The following RXRA variants were observed in gnomAD, a reference collection of about 807,000 sequenced individuals.
RXRA encodes retinoic acid receptor RXR-alpha.
A neutral mutation model predicts 44.5 loss-of-function variants in RXRA; 5 were observed. The observed-to-expected ratio is 0.11, with a 90% CI of 0.06 to 0.24. The LOEUF is 0.24. Among genes scored for constraint, RXRA ranks in the 10% least tolerant of loss-of-function variants. The pLI is 1.00. For synonymous variants in RXRA, 291 were observed against 271.4 expected (o/e 1.07, Z -0.71); for missense variants, 412 against 646.5 (o/e 0.64, Z 3.93).
intron 6 of RXRA, chr9:134,425,103 G>A (rs1831410856): frequency 2.0e-6 from 2 of 985,348 alleles, no homozygotes; most frequent in Middle Eastern, 5.2e-4. Flanking sequence ...TGCTCACTCC[G>A]GGGAGTGTCC....
chr9:134,363,372 G>A lies in RXRA; in HGVS notation c.28+36713G>A, dbSNP rs1032046024. On this transcript the variant is annotated intron_variant, in intron 1 of 9. Transcript: ENST00000481739. ...TCCACCCACCCCATTTTCCTGAGCA[G>A]CGGGAGGTGGGAAGGCATCCGTTTA... Among the ~76,000 whole-genome samples, 3 of 152,366 alleles carry A rather than the reference G, an allele frequency of 2.0e-5. No individual in the cohort carries two copies. The East Asian group carries it at 5.8e-4, about 29-fold the overall frequency.
chr9:134,434,955 C>G lies in RXRA; in HGVS notation c.1241+748C>G, dbSNP rs930722246. 2.0e-5 allele frequency among the ~76,000 whole-genome samples: 3 copies of G among 152,192 alleles called. No individual in the cohort carries two copies. In the South Asian group the frequency reaches 6.2e-4, roughly 31 times the overall value. On this transcript the variant is annotated intron_variant, in intron 9 of 9. Transcript: ENST00000481739. ...ACATACACAGTTAACCGTGTCCCCGCTGCCTGCCCAGCCCTCATCTGGCTT... is the reference window on the plus strand; with the variant it reads ...ACATACACAGTTAACCGTGTCCCCGGTGCCTGCCCAGCCCTCATCTGGCTT...
intron 1 of RXRA, among the ~76,000 whole-genome samples, chr9:134,338,358 C>T (rs1230803159): frequency 6.6e-6 from 1 of 152,228 alleles, no homozygotes; most frequent in Non-Finnish European, 1.5e-5. Flanking sequence ...GAAAGGGCCT[C>T]CTCATGTCAG....
chr9:134,425,038 C>T (rs538444916), intron 6 of RXRA: 1 of 985,472 alleles, frequency 1.0e-6, no homozygotes, highest in Non-Finnish European at 1.2e-6. Flanking sequence ...CCCAGACCTG[C>T]AATTCCCACC....
In RXRA at chr9:134,426,931, A is replaced by T. The variant is rs1453529403; in HGVS notation, c.911-2177A>T. ...AGGGAGAGCCCTTTCCTAGGAGAGC[A>T]TTTGCTCTCACTGGATGTCAGACCC... On this transcript the variant is annotated intron_variant, in intron 6 of 9. Transcript: ENST00000481739. The surrounding 1 kb of genome is among the most constrained non-coding windows in gnomAD (Gnocchi z 4.6). 1 of 985,140 alleles carries T rather than the reference A, an allele frequency of 1.0e-6. No homozygotes were observed. Among genetic ancestry groups the T allele is most frequent in the African/African-American group, 1.7e-5 (1 of 57,262 alleles). 61.0% of individuals were successfully genotyped at this position (985,140 alleles called of 1,614,324 possible). A position where few individuals can be genotyped will look rare whatever the true frequency, so the allele number is the denominator to read the frequency against.
Position 134,429,091 on chromosome 9 carries a change from G to A in RXRA, c.911-17G>A, listed in dbSNP as rs1027130371. ...GGGGCCTGGAGACAGCTGAGTGACT[G>A]TGTGCCTCCTCCCCAGGCTGGAATG... On this transcript the variant is annotated splice_polypyrimidine_tract_variant and intron_variant, in intron 6 of 9. Coordinates refer to ENST00000481739, the MANE Select transcript of RXRA (RefSeq NM_002957.6). 9.9e-6 allele frequency: 16 copies of A among 1,612,584 alleles called. No individual in the cohort carries two copies. Among genetic ancestry groups the A allele is most frequent in the Non-Finnish European group, 1.4e-5 (16 of 1,179,856 alleles).
intron 4 of RXRA, among the ~76,000 whole-genome samples, chr9:134,414,832 G>T (rs545924219): frequency 8.7e-5 from 13 of 150,242 alleles, no homozygotes; most frequent in Non-Finnish European, 1.9e-4. Flanking sequence ...TTCCTGCCCC[G>T]GGGGCTGCTC....
intron 1 of RXRA, among the ~76,000 whole-genome samples, chr9:134,347,404 C>T (rs1424716290): frequency 6.6e-6 from 1 of 152,238 alleles, no homozygotes; most frequent in Non-Finnish European, 1.5e-5. Context: ...CTGAGTGCAG[C>T]GCAGCTCCTC....
At chr9:134,401,922 G>T (rs769375973) in intron 2 of RXRA, 40 bp downstream of exon 2, 1 of 1,476,450 alleles carries the variant, frequency 6.8e-7, no homozygotes, top group South Asian at 1.3e-5. Context: ...GGTGGGGCCT[G>T]GGGTGGGGCT....
chr9:134,375,969 C>CT (rs1830551306), intron 1 of RXRA, among the ~76,000 whole-genome samples: 1 of 134,512 alleles, frequency 7.4e-6, no homozygotes, highest in African/African-American at 2.7e-5. Flanking sequence ...TCTCTGCTTC[C>CT]CCCCCACCCC....
Position 134,417,295 on chromosome 9 carries a change from G to A in RXRA, c.748G>A (p.Val250Met), listed in dbSNP as rs767968089. The part of the protein sequence containing the change: ...LAVEPKTETY[V>M]EANMGLNPSS... The stretch of plus-strand genomic sequence containing the variant: ...CGTGGAGCCCAAGACCGAGACCTAC[G>A]TGGAGGCAAACATGGGGCTGAACCC... Residue 250 changes from valine to methionine, a missense_variant, in exon 5 of 10, where the codon GTG (valine) becomes ATG (methionine). Physicochemically the swap from Val to Met is conservative, Grantham distance 21. Around this residue, in one of 4 missense-constraint regions of RXRA, gnomAD observed 67 missense variants for 78.7 expected, o/e 0.85. Transcript: ENST00000481739. This position sits in a 1 kb window ranked among gnomAD's most constrained non-coding sequence, Gnocchi z 6.1. 12 of 1,613,656 alleles carry A rather than the reference G, an allele frequency of 7.4e-6. No individual in the cohort carries two copies. In the African/African-American group the frequency reaches 1.1e-4, roughly 14 times the overall value.
rs1830408683 is a variant in RXRA, at chr9:134,365,890, G to C, written c.29-35742G>C. Among the ~76,000 whole-genome samples the C allele has an allele frequency of 6.6e-6, 1 of 152,086 alleles. No individual in the cohort carries two copies. The highest frequency in any genetic ancestry group is 1.5e-5 in the Non-Finnish European group (1 of 68,006). On this transcript the variant is annotated intron_variant, in intron 1 of 9. Coordinates refer to ENST00000481739, the MANE Select transcript of RXRA (RefSeq NM_002957.6). The surrounding 1 kb of genome is among the most constrained non-coding windows in gnomAD (Gnocchi z 4.0). ...CTGTCTTGGGGAGGGTTCCTGGGCT[G>C]GGATTGGCCGTCGGGGAGGTGCACA...
chr9:134,424,926 G>T, intron 6 of RXRA: 1 of 985,482 alleles, frequency 1.0e-6, no homozygotes, highest in East Asian at 1.1e-4. Flanking sequence ...GGGCCACTGA[G>T]TGCTCCCCCA....
At chr9:134,384,434 TG>T (rs1463136616) in intron 1 of RXRA, among the ~76,000 whole-genome samples, 3 of 152,156 alleles carry the variant, frequency 2.0e-5, no homozygotes, top group Non-Finnish European at 4.4e-5. Flanking sequence ...TCAGGGGATA[TG>T]GCAGCAGTGG....
intron 1 of RXRA, chr9:134,379,173 G>C (rs1348054003): frequency 2.7e-6 from 2 of 735,352 alleles, no homozygotes; most frequent in African/African-American, 3.8e-5. Flanking sequence ...GCAGGACCCG[G>C]AATTATGCTG....
chr9:134,326,677 CGGGCG>C lies in RXRA; in HGVS notation c.28+22_28+26del. On this transcript the variant is annotated intron_variant, in intron 1 of 9. Transcript: ENST00000481739. Reference sequence around the variant, plus strand: ...GCCGCTCGGTGAGTGCTCGCCGGGCCGGGCGGGGACGGGGCCGGGGGCCGGGGGCC... The same window carrying C: ...GCCGCTCGGTGAGTGCTCGCCGGGCCGGGACGGGGCCGGGGGCCGGGGGCC... The C allele has an allele frequency of 2.3e-6, 2 of 875,394 alleles. No individual in the cohort carries two copies. Among genetic ancestry groups the C allele is most frequent in the Non-Finnish European group, 2.7e-6 (2 of 735,618 alleles). The allele number at this position is 875,394 out of a possible 1,614,324, so 54.2% of individuals were successfully genotyped here.
chr9:134,372,831 G>A (rs988723195), intron 1 of RXRA, among the ~76,000 whole-genome samples: 1 of 152,218 alleles, frequency 6.6e-6, no homozygotes, highest in Non-Finnish European at 1.5e-5. Context: ...GACCCCAGGC[G>A]GTAGCTCAGG....
intron 1 of RXRA, among the ~76,000 whole-genome samples, chr9:134,401,144 C>A (rs1321854753): frequency 6.6e-6 from 1 of 152,260 alleles, no homozygotes; most frequent in Non-Finnish European, 1.5e-5. Context: ...AATTTACCCA[C>A]GCTCAGAACT....
intron 1 of RXRA, chr9:134,401,404 T>C (rs1432669548): frequency 1.5e-5 from 10 of 653,902 alleles, no homozygotes; most frequent in Non-Finnish European, 2.6e-5. Flanking sequence ...AGGCCCAGCC[T>C]AAAGCCGGGG....
Sources: gnomAD v4.1 joint callset for allele counts (sites outside exome capture counted in the v4.1 genomes callset) on GRCh38, gnomAD v4.1.1 for gene constraint, gnomAD v4.1.1 regional missense constraint, Gnocchi (gnomAD v3.1) non-coding constraint, MANE v1.5 for transcripts, NCBI Gene and HGNC (gene_info 2026-07-23, HGNC 2026-07-21) for gene names.